DCAF8L2: variants seen among roughly 807,000 people sequenced by gnomAD.
DCAF8L2 encodes DDB1 and CUL4 associated factor 8 like 2, also known as DDB1- and CUL4-associated factor 8-like protein 2.
For missense variants in DCAF8L2, 430 were observed against 490.7 expected (o/e 0.88, Z 1.17); for synonymous variants, 200 against 190.9 (o/e 1.05, Z -0.39).
At chrX:27,610,277 C>T (rs1170868755) in intron 1 of DCAF8L2, among the ~76,000 whole-genome samples, 1 of 110,580 alleles carries the variant, frequency 9.0e-6, no homozygotes, top group Admixed American at 9.8e-5. Context: ...ATGTGGGATT[C>T]GAAACTACAT....
the DCAF8L2 span, among the ~76,000 whole-genome samples, chrX:27,544,907 G>T: frequency 8.9e-6 from 1 of 111,869 alleles, no homozygotes; most frequent in Non-Finnish European, 1.9e-5. Context: ...CGAGTAATTA[G>T]ACATATTCGA....
At chrX:27,648,356 A>G (rs1264297949) in intron 2 of DCAF8L2, among the ~76,000 whole-genome samples, 1 of 109,935 alleles carries the variant, frequency 9.1e-6, no homozygotes, top group Non-Finnish European at 1.9e-5. Flanking sequence ...GGAAAAAGAA[A>G]ATGAAAAAAT....
At chrX:27,555,549 C>T in the DCAF8L2 span, among the ~76,000 whole-genome samples, 4 of 112,298 alleles carry the variant, frequency 3.6e-5, no homozygotes, top group African/African-American at 1.3e-4. Flanking sequence ...AAGAGACCAA[C>T]ACTGAGCTCC....
At chrX:27,655,897 C>T (rs1393959074) in intron 2 of DCAF8L2, among the ~76,000 whole-genome samples, 1 of 111,070 alleles carries the variant, frequency 9.0e-6, no homozygotes, top group East Asian at 2.8e-4. Flanking sequence ...AGTTAAGTAC[C>T]TCTGCCTTCA....
chrX:27,648,822 T>A (rs911025257), intron 2 of DCAF8L2, among the ~76,000 whole-genome samples: 1 of 111,267 alleles, frequency 9.0e-6, no homozygotes, highest in African/African-American at 3.3e-5. Context: ...AATGGAATTG[T>A]TCAGAACTTT....
chrX:27,498,333 C>A, the DCAF8L2 span, among the ~76,000 whole-genome samples: 1 of 112,273 alleles, frequency 8.9e-6, no homozygotes, highest in African/African-American at 3.2e-5. Context: ...TCCTCACCAA[C>A]AATTATTTTC....
chrX:27,716,399 C>T (rs1179048237), intron 4 of DCAF8L2, among the ~76,000 whole-genome samples: 1 of 112,330 alleles, frequency 8.9e-6, no homozygotes, highest in Non-Finnish European at 1.9e-5. Context: ...GATACATTTT[C>T]CCATTAACTA....
At chrX:27,556,952 TA>T in the DCAF8L2 span, among the ~76,000 whole-genome samples, 6,825 of 112,131 alleles carry the variant, frequency 0.061, 229 homozygotes, top group Non-Finnish European at 0.091. Context: ...CAGGCCTAAA[TA>T]ACACCTAAAT....
chrX:27,521,757 AAG>A, the DCAF8L2 span, among the ~76,000 whole-genome samples: 2 of 111,892 alleles, frequency 1.8e-5, no homozygotes, highest in African/African-American at 6.5e-5. Context: ...AACCTCTAAA[AAG>A]AGTAAAACTT....
intron 2 of DCAF8L2, among the ~76,000 whole-genome samples, chrX:27,673,202 C>T (rs754413785): frequency 1.3e-4 from 14 of 110,453 alleles, no homozygotes; most frequent in Non-Finnish European, 2.1e-4. Flanking sequence ...CAAATATCAA[C>T]CCGAATTTTA....
the DCAF8L2 span, among the ~76,000 whole-genome samples, chrX:27,529,550 T>C: frequency 2.7e-5 from 3 of 111,754 alleles, no homozygotes. Flanking sequence ...AATAATCAGA[T>C]GATTTGCAAG....
chrX:27,696,306 GAAAGAAAGAAAGAAAGAA>G (rs1930913866), intron 3 of DCAF8L2, among the ~76,000 whole-genome samples: 1 of 89,188 alleles, frequency 1.1e-5, no homozygotes, highest in South Asian at 5.1e-4. Context: ...AAGAAAGAAA[GAAAGAAAGAAAGAAAGAA>G]AGAAAGAAAA....
chrX:27,528,474 GTGTATATA>G, the DCAF8L2 span, among the ~76,000 whole-genome samples: 14 of 34,968 alleles, frequency 4.0e-4, no homozygotes, highest in South Asian at 0.016. Flanking sequence ...TTATGTGTAT[GTGTATATA>G]TATATATATA....
At chrX:27,511,808 C>T in the DCAF8L2 span, among the ~76,000 whole-genome samples, 3 of 111,840 alleles carry the variant, frequency 2.7e-5, no homozygotes, top group Non-Finnish European at 5.6e-5. Flanking sequence ...AACTATTTGC[C>T]AACTGTGAAG....
the DCAF8L2 span, among the ~76,000 whole-genome samples, chrX:27,540,071 C>G: frequency 9.0e-6 from 1 of 110,919 alleles, no homozygotes; most frequent in African/African-American, 3.3e-5. Flanking sequence ...CGCTGTTTCA[C>G]TTGTTTGTGT....
chrX:27,725,455 C>G (rs967501203), intron 4 of DCAF8L2, among the ~76,000 whole-genome samples: 1 of 110,161 alleles, frequency 9.1e-6, no homozygotes, highest in Non-Finnish European at 1.9e-5. Flanking sequence ...TTATCTGCCC[C>G]AAAAAGATTT....
intron 2 of DCAF8L2, among the ~76,000 whole-genome samples, chrX:27,647,808 GA>G (rs1330462384): frequency 9.0e-6 from 1 of 111,298 alleles, no homozygotes; most frequent in Non-Finnish European, 1.9e-5. Flanking sequence ...CAATGACAAG[GA>G]AAATTGTCTT....
the DCAF8L2 span, among the ~76,000 whole-genome samples, chrX:27,493,727 A>G: frequency 1.2e-5 from 1 of 80,581 alleles, no homozygotes; most frequent in African/African-American, 3.6e-5. Flanking sequence ...AAAAAAAGAA[A>G]AAAAAAAAGA....
the DCAF8L2 span, among the ~76,000 whole-genome samples, chrX:27,540,662 T>C: frequency 9.0e-6 from 1 of 111,543 alleles, no homozygotes; most frequent in Non-Finnish European, 1.9e-5. Context: ...TATATCACTA[T>C]AGGATGACTA....
Sources: gnomAD v4.1 joint callset for allele counts (sites outside exome capture counted in the v4.1 genomes callset) on GRCh38, gnomAD v4.1.1 for gene constraint, MANE v1.5 for transcripts, NCBI Gene and HGNC (gene_info 2026-07-23, HGNC 2026-07-21) for gene names.